The following SNTB1 variants were observed in gnomAD, a reference collection of about 807,000 sequenced individuals.
The protein encoded by SNTB1 is beta-1-syntrophin.
In SNTB1, 36 loss-of-function variants were observed where a neutral mutation model predicts 48.9. The ratio of observed to expected loss-of-function variants is 0.74; its 90% CI spans 0.56 to 0.97. The LOEUF (loss-of-function observed/expected upper bound fraction) is 0.97, where lower values mean the gene tolerates loss of function less well. Ranked by LOEUF, SNTB1 falls within the 50% of genes least tolerant of loss-of-function variation. The pLI is 0.00. For synonymous variants in SNTB1, 299 were observed against 294.6 expected (o/e 1.01, Z -0.15); for missense variants, 786 against 703.4 (o/e 1.12, Z -1.33).
intron 1 of SNTB1, among the ~76,000 whole-genome samples, chr8:120,770,617 G>C (rs1463620816): frequency 6.6e-6 from 1 of 152,104 alleles, no homozygotes; most frequent in African/African-American, 2.4e-5. Context: ...TTTGAGACCA[G>C]CCTGGCCAAC....
chr8:120,805,348 T>C (rs1820317079), intron 1 of SNTB1, among the ~76,000 whole-genome samples: 1 of 152,160 alleles, frequency 6.6e-6, no homozygotes, highest in Admixed American at 6.6e-5. Context: ...AGATGACATT[T>C]AAATGGAGAA....
At chr8:120,771,145 G>A (rs1240678714) in intron 1 of SNTB1, among the ~76,000 whole-genome samples, 2 of 152,174 alleles carry the variant, frequency 1.3e-5, no homozygotes, top group Non-Finnish European at 2.9e-5. Context: ...AAAACTAGCA[G>A]CTGTGTATCC....
intron 5 of SNTB1, among the ~76,000 whole-genome samples, chr8:120,547,094 C>A (rs1029693947): frequency 2.6e-5 from 4 of 152,022 alleles, no homozygotes; most frequent in African/African-American, 9.7e-5. Context: ...GAATTTGCTT[C>A]CTGATTTGTC....
chr8:120,766,213 C>T (rs1819522595), intron 1 of SNTB1, among the ~76,000 whole-genome samples: 1 of 152,136 alleles, frequency 6.6e-6, no homozygotes, highest in South Asian at 2.1e-4. Flanking sequence ...CTTTTACCTA[C>T]ATTTCCTCAC....
chr8:120,797,158 G>C (rs752909908), intron 1 of SNTB1, among the ~76,000 whole-genome samples: 11 of 151,958 alleles, frequency 7.2e-5, no homozygotes, highest in Non-Finnish European at 1.5e-4. Context: ...GATAAATACA[G>C]AGTGATAAAC....
At chr8:120,562,400 CT>C (rs1284864277) in intron 4 of SNTB1, among the ~76,000 whole-genome samples, 1 of 152,128 alleles carries the variant, frequency 6.6e-6, no homozygotes, top group Non-Finnish European at 1.5e-5. Flanking sequence ...CCTCCTCACT[CT>C]TCTTATATCC....
intron 1 of SNTB1, among the ~76,000 whole-genome samples, chr8:120,745,812 C>T (rs1259526403): frequency 6.6e-6 from 1 of 152,154 alleles, no homozygotes; most frequent in Non-Finnish European, 1.5e-5. Flanking sequence ...CTCTCTCTCA[C>T]CCCAAAGTCT....
intron 2 of SNTB1, 121 bp from the exon 3 acceptor site, chr8:120,632,772 G>T: frequency 1.2e-6 from 1 of 802,982 alleles, no homozygotes; most frequent in Non-Finnish European, 2.0e-6. Flanking sequence ...AGTTTCTAAC[G>T]GGATGCCTTA....
At position 120,636,198 on chromosome 8, in the gene SNTB1, T is replaced by G. The variant is rs943892082; in HGVS notation, c.789-3547A>C. Among the ~76,000 whole-genome samples the G allele has an allele frequency of 2.0e-5, 3 of 152,210 alleles. No homozygotes were observed. The East Asian group carries it at 5.8e-4, about 29-fold the overall frequency. ...CCAGGCAGCACAGGGCATCACATGG[T>G]GAGGGTGCTGGCTCAGCTTCCTCTT... On this transcript the variant is annotated intron_variant, in intron 2 of 6. Coordinates refer to ENST00000517992, the MANE Select transcript of SNTB1 (RefSeq NM_021021.4).
intron 1 of SNTB1, chr8:120,776,555 C>T (rs1819739015): frequency 6.6e-6 from 1 of 152,186 alleles, no homozygotes; most frequent in Non-Finnish European, 1.5e-5. Context: ...AGCAGGATTA[C>T]CAAAACTCTC....
At chr8:120,664,225 T>C (rs1195679888) in intron 2 of SNTB1, among the ~76,000 whole-genome samples, 1 of 152,114 alleles carries the variant, frequency 6.6e-6, no homozygotes, top group Non-Finnish European at 1.5e-5. Context: ...ATAACAGGAT[T>C]TTGACAGGTG....
intron 5 of SNTB1, among the ~76,000 whole-genome samples, chr8:120,543,733 G>A (rs1815331247): frequency 6.6e-6 from 1 of 152,136 alleles, no homozygotes; most frequent in Non-Finnish European, 1.5e-5. Flanking sequence ...GAATGCGGTG[G>A]CTGTTAATCG....
At chr8:120,641,004 C>T (rs1359199984) in intron 2 of SNTB1, among the ~76,000 whole-genome samples, 3 of 152,058 alleles carry the variant, frequency 2.0e-5, no homozygotes, top group African/African-American at 7.2e-5. Flanking sequence ...CCATCTGGTC[C>T]TGGACTTTTT....
At chr8:120,576,516 T>C (rs1313249658) in intron 3 of SNTB1, among the ~76,000 whole-genome samples, 4 of 152,222 alleles carry the variant, frequency 2.6e-5, no homozygotes, top group Non-Finnish European at 5.9e-5. Flanking sequence ...CGACTTGAGT[T>C]CTGTAGGTCC....
At chr8:120,643,733 A>G (rs1817234956) in intron 2 of SNTB1, among the ~76,000 whole-genome samples, 1 of 152,180 alleles carries the variant, frequency 6.6e-6, no homozygotes, top group Non-Finnish European at 1.5e-5. Context: ...CATGAATGTG[A>G]AAGTGTCTTT....
chr8:120,624,024 G>A (rs1339815108), intron 3 of SNTB1, among the ~76,000 whole-genome samples: 1 of 152,136 alleles, frequency 6.6e-6, no homozygotes, highest in Non-Finnish European at 1.5e-5. Flanking sequence ...TGCAACCTCT[G>A]CCTCCGGGGT....
intron 3 of SNTB1, among the ~76,000 whole-genome samples, chr8:120,605,815 G>T (rs1181823976): frequency 4.6e-5 from 7 of 152,094 alleles, no homozygotes; most frequent in Non-Finnish European, 8.8e-5. Context: ...CATGGCCTGT[G>T]GTGTCAGCCT....
rs1587046318 is a variant in SNTB1, at chr8:120,631,514, G to T, written c.996+930C>A. Among the ~76,000 whole-genome samples the T allele has an allele frequency of 2.6e-5, 4 of 152,244 alleles. 1 individual carries two copies. Among genetic ancestry groups the T allele is most frequent in the Admixed American group, 2.6e-4 (4 of 15,294 alleles). On this transcript the variant is annotated intron_variant, in intron 3 of 6. Coordinates refer to ENST00000517992, the MANE Select transcript of SNTB1 (RefSeq NM_021021.4). Reference sequence around the variant, plus strand: ...GATGACAGGGTTCTTTGGCAGGAAAGGTGTTATTGTGACGTTCCCTATTCC... The same window carrying T: ...GATGACAGGGTTCTTTGGCAGGAAATGTGTTATTGTGACGTTCCCTATTCC...
chr8:120,729,586 C>T (rs188493181), intron 1 of SNTB1, among the ~76,000 whole-genome samples: 185 of 152,326 alleles, frequency 1.2e-3, no homozygotes, highest in African/African-American at 4.3e-3. Flanking sequence ...CTACTCCATG[C>T]ATGCATTGAT....
Sources: gnomAD v4.1 joint callset for allele counts (sites outside exome capture counted in the v4.1 genomes callset) on GRCh38, gnomAD v4.1.1 for gene constraint, MANE v1.5 for transcripts, NCBI Gene and HGNC (gene_info 2026-07-23, HGNC 2026-07-21) for gene names.